STAM: variants seen among roughly 807,000 people sequenced by gnomAD.
The protein encoded by STAM is signal transducing adapter molecule 1.
In STAM, 16 loss-of-function variants were observed where a neutral mutation model predicts 63.4. That is an observed-to-expected ratio of 0.25 (90% CI 0.17 to 0.38). STAM has a LOEUF of 0.38. Among genes scored for constraint, STAM ranks in the 10% least tolerant of loss-of-function variants. STAM has a pLI of 1.00. For missense variants in STAM, 636 were observed against 657.1 expected (o/e 0.97, Z 0.35); for synonymous variants, 238 against 223.9 (o/e 1.06, Z -0.56).
intron 1 of STAM, among the ~76,000 whole-genome samples, chr10:17,646,016 C>A (rs1421953284): frequency 8.5e-5 from 13 of 152,338 alleles, no homozygotes; most frequent in Middle Eastern, 3.4e-3. Flanking sequence ...TAATGTCAAA[C>A]CCGTTCCTAG....
At chr10:17,688,491 CTTTG>C (rs1418176238) in intron 5 of STAM, among the ~76,000 whole-genome samples, 4 of 152,196 alleles carry the variant, frequency 2.6e-5, no homozygotes, top group Non-Finnish European at 4.4e-5. Flanking sequence ...GAGACGGAGT[CTTTG>C]TTTGTCGCCC....
At chr10:17,661,868 A>G (rs1018343891) in intron 2 of STAM, among the ~76,000 whole-genome samples, 1 of 151,218 alleles carries the variant, frequency 6.6e-6, no homozygotes, top group Non-Finnish European at 1.5e-5. Flanking sequence ...TCCTCCCACT[A>G]TGACGTTCCC....
intron 1 of STAM, among the ~76,000 whole-genome samples, chr10:17,657,974 G>C (rs1259813539): frequency 2.0e-5 from 3 of 151,326 alleles, no homozygotes; most frequent in Non-Finnish European, 2.9e-5. Flanking sequence ...ATTGGTTTCT[G>C]CTCTAATTTT....
Position 17,688,059 on chromosome 10 carries a change from T to C in STAM, c.330T>C (p.Ala110=). The C allele has an allele frequency of 1.2e-6, 2 of 1,604,702 alleles. No homozygotes were observed. The highest frequency in any genetic ancestry group is 1.3e-5 in the African/African-American group (1 of 74,600). The stretch of plus-strand genomic sequence containing the variant: ...CTAAAGTATGTGAAAAATTAAAGGC[T>C]CTTATGGTTGAATGGACAGATGAAT... ...GHPKVCEKLK[A]LMVEWTDEFK... Residue 110 remains alanine, a synonymous_variant, in exon 5 of 14, where the codon GCT becomes GCC. Coordinates refer to ENST00000377524, the MANE Select transcript of STAM (RefSeq NM_003473.4).
intron 7 of STAM, chr10:17,696,507 G>A (rs1305335578): frequency 9.3e-6 from 3 of 323,034 alleles, no homozygotes; most frequent in South Asian, 8.8e-5. Flanking sequence ...CAATTTTTTC[G>A]TATTGGTGCC....
At chr10:17,656,276 A>T (rs1554822133) in intron 1 of STAM, among the ~76,000 whole-genome samples, 1 of 150,058 alleles carries the variant, frequency 6.7e-6, no homozygotes, top group African/African-American at 2.5e-5. Flanking sequence ...CCTGGGTGAC[A>T]GAGCGAGACT....
In STAM at chr10:17,644,211, G is replaced by C; in HGVS notation, c.-129G>C. 1.0e-6 allele frequency: 1 copy of C among 975,562 alleles called. No homozygotes were observed. Among genetic ancestry groups the C allele is most frequent in the East Asian group, 2.6e-5 (1 of 37,832 alleles). 60.4% of individuals were successfully genotyped at this position (975,562 alleles called of 1,614,324 possible). ...TTGGTGGGGTTGGGTGAGAGGAGGAGCTGTCGCGGACCCTGTAGAGTCGGT... is the reference window on the plus strand; with the variant it reads ...TTGGTGGGGTTGGGTGAGAGGAGGACCTGTCGCGGACCCTGTAGAGTCGGT... On this transcript the variant is annotated 5_prime_UTR_variant, in exon 1 of 14. Coordinates refer to ENST00000377524, the MANE Select transcript of STAM (RefSeq NM_003473.4).
At position 17,715,112 on chromosome 10, in the gene STAM, A is replaced by G; in HGVS notation, c.*332A>G. ...GTTGTGACAAATGTTATGTACATAT[A>G]TTGATATGTAACTGCATTAGTGGCC... On this transcript the variant is annotated 3_prime_UTR_variant, in exon 14 of 14. Coordinates refer to ENST00000377524, the MANE Select transcript of STAM (RefSeq NM_003473.4). 6.5e-6 allele frequency: 2 copies of G among 306,776 alleles called. No homozygotes were observed. The highest frequency in any genetic ancestry group is 1.3e-5 in the Non-Finnish European group (2 of 158,152). The allele number at this position is 306,776 out of a possible 1,614,324, so 19.0% of individuals were successfully genotyped here.
At chr10:17,651,737 T>A (rs1432712421) in intron 1 of STAM, among the ~76,000 whole-genome samples, 1 of 152,206 alleles carries the variant, frequency 6.6e-6, no homozygotes, top group Non-Finnish European at 1.5e-5. Flanking sequence ...GATGAAAGAT[T>A]TTTGAAGAAT....
chr10:17,693,225 G>T lies in STAM; in HGVS notation c.448G>T (p.Ala150Ser). ...VTFPAIGSQA[A>S]EQAKASPALV... Reference sequence around the variant, plus strand: ...CTGTGTTCCTCTTTTTTGTTAGGCTGCAGAACAAGCAAAAGCAAGCCCAGC... The same window carrying T: ...CTGTGTTCCTCTTTTTTGTTAGGCTTCAGAACAAGCAAAAGCAAGCCCAGC... The change falls in exon 6 of 14, where the codon GCA becomes TCA. Residue 150 changes from alanine to serine, a missense_variant. Coordinates refer to ENST00000377524, the MANE Select transcript of STAM (RefSeq NM_003473.4). 1 of 1,612,686 alleles carries T rather than the reference G, an allele frequency of 6.2e-7. No homozygotes were observed. The highest frequency in any genetic ancestry group is 8.5e-7 in the Non-Finnish European group (1 of 1,179,404).
intron 2 of STAM, 83 bp from the exon 3 acceptor site, chr10:17,684,592 G>T: frequency 3.0e-6 from 3 of 1,011,894 alleles, no homozygotes; most frequent in East Asian, 2.6e-5. Context: ...CCTTTTTATC[G>T]TAGTCTTTTG....
Position 17,679,574 on chromosome 10 carries a change from C to T in STAM, c.126-5101C>T, listed in dbSNP as rs77845592. 8.1e-3 allele frequency among the ~76,000 whole-genome samples: 1,189 copies of T among 147,222 alleles called. 11 individuals are homozygous for T. Among genetic ancestry groups the T allele is most frequent in the African/African-American group, 0.028 (1,124 of 40,500 alleles). On this transcript the variant is annotated intron_variant, in intron 2 of 13. Coordinates refer to ENST00000377524, the MANE Select transcript of STAM (RefSeq NM_003473.4). Reference sequence around the variant, plus strand: ...ACTTTTAATTTTGATGTTTAATTTGCGTGTGTTTTTTTTTTTTAAATGAAG... The same window carrying T: ...ACTTTTAATTTTGATGTTTAATTTGTGTGTGTTTTTTTTTTTTAAATGAAG...
chr10:17,660,578 A>G, intron 2 of STAM, 30 bp downstream of exon 2: 1 of 1,548,882 alleles, frequency 6.5e-7, no homozygotes, highest in Non-Finnish European at 8.7e-7. Flanking sequence ...AAGGATTTTT[A>G]TTCTTTCTTT....
intron 8 of STAM, 55 bp from the exon 9 acceptor site, chr10:17,700,136 A>G: frequency 7.0e-7 from 1 of 1,423,718 alleles, no homozygotes. Context: ...AAAGTGCTTT[A>G]AAGTAGAATT....
At chr10:17,667,546 A>G (rs1834445779) in intron 2 of STAM, among the ~76,000 whole-genome samples, 1 of 152,188 alleles carries the variant, frequency 6.6e-6, no homozygotes, top group Admixed American at 6.5e-5. Flanking sequence ...TATTTGTCAA[A>G]TACTGAATGC....
chr10:17,684,001 A>T (rs1390468767), intron 2 of STAM, among the ~76,000 whole-genome samples: 1 of 152,196 alleles, frequency 6.6e-6, no homozygotes, highest in Non-Finnish European at 1.5e-5. Context: ...GCTAGGGTCT[A>T]AACTCCCCTG....
At chr10:17,655,328 T>C (rs1221558131) in intron 1 of STAM, among the ~76,000 whole-genome samples, 5 of 152,224 alleles carry the variant, frequency 3.3e-5, no homozygotes, top group Admixed American at 2.6e-4. Flanking sequence ...TTTGGATCTT[T>C]GTATTAATTC....
At chr10:17,654,318 G>A (rs1404725529) in intron 1 of STAM, among the ~76,000 whole-genome samples, 4 of 152,020 alleles carry the variant, frequency 2.6e-5, no homozygotes, top group African/African-American at 4.8e-5. Flanking sequence ...CACCTCCCAG[G>A]TTCACGCCAT....
At chr10:17,659,121 T>C (rs2131579854) in intron 1 of STAM, among the ~76,000 whole-genome samples, 1 of 152,156 alleles carries the variant, frequency 6.6e-6, no homozygotes, top group East Asian at 1.9e-4. Context: ...AAATCTTTTT[T>C]TTTTAGTAAT....
Sources: gnomAD v4.1 joint callset for allele counts (sites outside exome capture counted in the v4.1 genomes callset) on GRCh38, gnomAD v4.1.1 for gene constraint, MANE v1.5 for transcripts, NCBI Gene and HGNC (gene_info 2026-07-23, HGNC 2026-07-21) for gene names.